TINAG: variants seen among roughly 807,000 people sequenced by gnomAD.
TINAG encodes the protein tubulointerstitial nephritis antigen.
Under a neutral mutation model 72.7 loss-of-function variants are expected in TINAG, and 83 were observed. The ratio of observed to expected loss-of-function variants is 1.14; its 90% CI spans 0.96 to 1.37. The LOEUF is 1.37. Ranked by LOEUF, TINAG falls within the 40% of genes most tolerant of loss-of-function variation. The probability of loss-of-function intolerance (pLI) is 0.00; values close to 1 mark genes in which losing one functional copy is unlikely to be tolerated. For synonymous variants in TINAG, 234 were observed against 189.9 expected (o/e 1.23, Z -1.91); for missense variants, 685 against 576.6 (o/e 1.19, Z -1.93).
chr6:54,340,600 G>C (rs1443728014), intron 4 of TINAG, among the ~76,000 whole-genome samples: 1 of 151,956 alleles, frequency 6.6e-6, no homozygotes, highest in East Asian at 1.9e-4. Context: ...ATATCATGAG[G>C]CAGATAAAAA....
chr6:54,324,394 A>T (rs1562150948), intron 3 of TINAG, among the ~76,000 whole-genome samples: 1 of 152,092 alleles, frequency 6.6e-6, no homozygotes, highest in Non-Finnish European at 1.5e-5. Flanking sequence ...TCTTCTCATA[A>T]TTATTATTCT....
At chr6:54,312,788 C>T (rs544900099) in intron 1 of TINAG, among the ~76,000 whole-genome samples, 13 of 152,218 alleles carry the variant, frequency 8.5e-5, no homozygotes, top group African/African-American at 1.2e-4. Flanking sequence ...GACAATTCTG[C>T]GTGCAAGGTC....
At position 54,363,240 on chromosome 6, in the gene TINAG, T is replaced by C. The variant is rs75720531; in HGVS notation, c.1250+8604T>C. 5.9e-5 allele frequency among the ~76,000 whole-genome samples: 9 copies of C among 151,712 alleles called. No individual in the cohort carries two copies. In the East Asian group the frequency reaches 1.7e-3, roughly 29 times the overall value. On this transcript the variant is annotated intron_variant, in intron 9 of 10. Transcript: ENST00000259782. ...GATGTTAAGTATGTGGTTAAAGATA[T>C]AAAGAGCAAAGGAAAGTAATTGAAG...
At chr6:54,355,727 G>GTGTGTC (rs1031692466) in intron 9 of TINAG, among the ~76,000 whole-genome samples, 1 of 148,882 alleles carries the variant, frequency 6.7e-6, no homozygotes, top group Non-Finnish European at 1.5e-5. Flanking sequence ...GTGTGTGTGT[G>GTGTGTC]TGTGTGTGTG....
intron 1 of TINAG, among the ~76,000 whole-genome samples, chr6:54,320,197 C>G (rs1036769376): frequency 1.3e-5 from 2 of 152,026 alleles, no homozygotes; most frequent in Non-Finnish European, 2.9e-5. Context: ...ATTATAAGCA[C>G]TTATGAGACT....
intron 4 of TINAG, among the ~76,000 whole-genome samples, chr6:54,331,494 C>A (rs977632095): frequency 1.3e-5 from 2 of 152,162 alleles, no homozygotes; most frequent in African/African-American, 2.4e-5. Context: ...AACCCACAGC[C>A]AATATCATAC....
At chr6:54,336,568 C>A (rs1024800042) in intron 4 of TINAG, among the ~76,000 whole-genome samples, 2 of 151,968 alleles carry the variant, frequency 1.3e-5, no homozygotes, top group Non-Finnish European at 2.9e-5. Flanking sequence ...TGTGTTATAT[C>A]TTATAAATAT....
chr6:54,366,101 A>C (rs1317618255), intron 9 of TINAG, among the ~76,000 whole-genome samples: 1 of 151,644 alleles, frequency 6.6e-6, no homozygotes, highest in Non-Finnish European at 1.5e-5. Flanking sequence ...ACGAAATACA[A>C]CCCTCATACT....
At chr6:54,340,278 T>A (rs961147223) in intron 4 of TINAG, among the ~76,000 whole-genome samples, 10 of 152,104 alleles carry the variant, frequency 6.6e-5, no homozygotes, top group Non-Finnish European at 1.2e-4. Flanking sequence ...ATTAAGCATA[T>A]CTATATGAAA....
At chr6:54,343,759 T>C (rs1785058494) in intron 5 of TINAG, among the ~76,000 whole-genome samples, 1 of 152,214 alleles carries the variant, frequency 6.6e-6, no homozygotes, top group Non-Finnish European at 1.5e-5. Flanking sequence ...AAAACAGTTA[T>C]TAATCTAATT....
chr6:54,317,636 T>A (rs748951749), intron 1 of TINAG, among the ~76,000 whole-genome samples: 17 of 152,286 alleles, frequency 1.1e-4, no homozygotes, highest in Non-Finnish European at 1.3e-4. Flanking sequence ...TTATTAGCAG[T>A]GTGAGAACAG....
intron 4 of TINAG, among the ~76,000 whole-genome samples, chr6:54,335,953 G>C (rs1784855917): frequency 1.3e-5 from 2 of 151,862 alleles, no homozygotes; most frequent in African/African-American, 4.8e-5. Flanking sequence ...ATATTGCTTG[G>C]GTAAGAGTTT....
At chr6:54,371,701 T>G (rs186634406) in intron 9 of TINAG, among the ~76,000 whole-genome samples, 1 of 152,044 alleles carries the variant, frequency 6.6e-6, no homozygotes, top group Non-Finnish European at 1.5e-5. Context: ...TTTTTTATGA[T>G]CTTAGATAAT....
intron 1 of TINAG, among the ~76,000 whole-genome samples, chr6:54,317,657 GTGGA>G (rs1052331294): frequency 3.5e-4 from 53 of 152,208 alleles, no homozygotes; most frequent in African/African-American, 1.2e-3. Context: ...GCTAATACAT[GTGGA>G]TTAACCATTA....
At chr6:54,330,096 GAAC>G (rs1383239884) in intron 4 of TINAG, among the ~76,000 whole-genome samples, 3 of 152,076 alleles carry the variant, frequency 2.0e-5, no homozygotes, top group African/African-American at 7.2e-5. Context: ...TTCAGGACTT[GAAC>G]TCAGTTGTGG....
At position 54,332,237 on chromosome 6, in the gene TINAG, C is replaced by T. The variant is rs146434134; in HGVS notation, c.624+5321C>T. ...AAACTATACTACAAGGCTACTGTAA[C>T]TAAAACAGCATGGTACTTGTACTAA... On this transcript the variant is annotated intron_variant, in intron 4 of 10. Coordinates refer to ENST00000259782, the MANE Select transcript of TINAG (RefSeq NM_014464.4). 1.4e-4 allele frequency among the ~76,000 whole-genome samples: 22 copies of T among 152,244 alleles called. No homozygotes were observed. In the East Asian group the frequency reaches 4.2e-3, roughly 29 times the overall value.
chr6:54,314,940 C>A (rs895664162), intron 1 of TINAG, among the ~76,000 whole-genome samples: 1 of 152,100 alleles, frequency 6.6e-6, no homozygotes, highest in African/African-American at 2.4e-5. Flanking sequence ...GCAAAAAGTT[C>A]ACATTAGACT....
rs191668733 is a variant in TINAG at position 54,339,086 on chromosome 6, T to G, written c.625-4140T>G. Among the ~76,000 whole-genome samples the G allele has an allele frequency of 1.2e-4, 18 of 152,330 alleles. 1 individual carries two copies. Among genetic ancestry groups the G allele is most frequent in the Admixed American group, 9.2e-4 (14 of 15,300 alleles). On this transcript the variant is annotated intron_variant, in intron 4 of 10. Transcript: ENST00000259782. The stretch of plus-strand genomic sequence containing the variant: ...TTAACACCTCTGAAATTGAGATGCT[T>G]TCTTACATTTGTTGATGCCTTGGGT...
At chr6:54,326,594 C>T (rs1352526705) in intron 3 of TINAG, among the ~76,000 whole-genome samples, 1 of 151,824 alleles carries the variant, frequency 6.6e-6, no homozygotes, top group Non-Finnish European at 1.5e-5. Context: ...TTGAAATGGA[C>T]CTTATTTAGG....
Sources: gnomAD v4.1 joint callset for allele counts (sites outside exome capture counted in the v4.1 genomes callset) on GRCh38, gnomAD v4.1.1 for gene constraint, MANE v1.5 for transcripts, NCBI Gene and HGNC (gene_info 2026-07-23, HGNC 2026-07-21) for gene names.